The following GPR55 variants were observed in gnomAD, a reference collection of about 807,000 sequenced individuals.
The protein encoded by GPR55 is G-protein coupled receptor 55.
In GPR55, 6 loss-of-function variants were observed where a neutral mutation model predicts 7.9. That is an observed-to-expected ratio of 0.76 (90% CI 0.41 to 1.49). The LOEUF (loss-of-function observed/expected upper bound fraction) is 1.49. GPR55 is among the 40% of genes most tolerant of loss of function. The pLI, the probability that GPR55 is intolerant of heterozygous loss-of-function variation, is 0.01. For missense variants in GPR55, 376 were observed against 406.0 expected, an observed-to-expected ratio of 0.93 and a Z score of 0.63; for synonymous variants, 183 against 166.8, an observed-to-expected ratio of 1.10 and a Z score of -0.75.
At position 230,944,468 on chromosome 2, in the gene GPR55, C is replaced by T. The variant is rs1029748603; in HGVS notation, c.-135+16307G>A. Among the ~76,000 whole-genome samples the T allele has an allele frequency of 2.0e-5, 3 of 152,126 alleles. No homozygotes were observed. Among genetic ancestry groups the T allele is most frequent in the Admixed American group, 6.5e-5 (1 of 15,276 alleles). On this transcript the variant is annotated intron_variant, in intron 1 of 1. Transcript: ENST00000392039. This position sits in a 1 kb window ranked among gnomAD's most constrained non-coding sequence, Gnocchi z 4.2. ...AGGAGCCGTGGTTTCCAGTAACCAT[C>T]GCTGGTTAGTTCAGAGGGAAATGTC... is the stretch of plus-strand genomic sequence containing the variant.
intron 1 of GPR55, chr2:230,960,633 T>C (rs1262749932): frequency 6.6e-6 from 1 of 152,144 alleles, no homozygotes; most frequent in African/African-American, 2.4e-5. Flanking sequence ...CTGGACGTCA[T>C]TACTTCCATT....
At chr2:230,932,445 A>C (rs1353950451) in intron 1 of GPR55, among the ~76,000 whole-genome samples, 1 of 152,236 alleles carries the variant, frequency 6.6e-6, no homozygotes, top group African/African-American at 2.4e-5. Context: ...ATTCTGTTAC[A>C]TAATGCACAT....
intron 1 of GPR55, among the ~76,000 whole-genome samples, chr2:230,946,059 A>G (rs540005721): frequency 5.4e-4 from 82 of 152,370 alleles, no homozygotes; most frequent in African/African-American, 1.9e-3. Flanking sequence ...GTCATTTGTG[A>G]CAACATAAAT....
rs367982429 is a variant in GPR55, at chr2:230,916,326, C to T, written c.-134-5230G>A. The stretch of plus-strand genomic sequence containing the variant: ...CACTTGAGCCCAGGAGTTTGAGACC[C>T]GCCTAGGCAACATAGTGAAACCCCA... On this transcript the variant is annotated intron_variant, in intron 1 of 1. Coordinates refer to ENST00000650999, the MANE Select transcript of GPR55 (RefSeq NM_005683.4). 9.4e-5 allele frequency among the ~76,000 whole-genome samples: 14 copies of T among 149,648 alleles called. No homozygotes were observed. In the East Asian group the frequency reaches 1.9e-3, roughly 21 times the overall value.
intron 1 of GPR55, among the ~76,000 whole-genome samples, chr2:230,936,265 A>C (rs1691129864): frequency 6.6e-6 from 1 of 152,170 alleles, no homozygotes; most frequent in Non-Finnish European, 1.5e-5. Flanking sequence ...TCCCCACCCA[A>C]ATCTCATCTT....
At position 230,921,411 on chromosome 2, in the gene GPR55, C is replaced by A. The variant is rs145290912; in HGVS notation, c.-135+3757G>T. The stretch of plus-strand genomic sequence containing the variant: ...TCTTTCACAAAATTTACCCCATTCC[C>A]GAGCACAGGCAATGGCAATTTTACA... On this transcript the variant is annotated intron_variant, in intron 1 of 1. Coordinates refer to ENST00000650999, the MANE Select transcript of GPR55 (RefSeq NM_005683.4). Among the ~76,000 whole-genome samples, 296 of 152,234 alleles carry A rather than the reference C, an allele frequency of 1.9e-3. 1 individual carries two copies. The highest frequency in any genetic ancestry group is 2.9e-3 in the Non-Finnish European group (199 of 68,004).
chr2:230,940,935 G>A (rs147946092), intron 1 of GPR55, among the ~76,000 whole-genome samples: 3,701 of 152,166 alleles, frequency 0.024, 139 homozygotes, highest in African/African-American at 0.085. Context: ...TGGGCAATAC[G>A]GTGAAACCCC....
At chr2:230,917,079 C>T (rs1467335655) in intron 1 of GPR55, among the ~76,000 whole-genome samples, 3 of 152,120 alleles carry the variant, frequency 2.0e-5, no homozygotes, top group Non-Finnish European at 4.4e-5. Context: ...AATTGCAGAA[C>T]AAAATTGCTC....
At chr2:230,941,942 T>C (rs1004483854) in intron 1 of GPR55, among the ~76,000 whole-genome samples, 1 of 152,232 alleles carries the variant, frequency 6.6e-6, no homozygotes, top group East Asian at 1.9e-4. Flanking sequence ...CATTGAGAGA[T>C]GGCCCTTTGT....
intron 1 of GPR55, among the ~76,000 whole-genome samples, chr2:230,948,581 T>A (rs1255956757): frequency 1.3e-5 from 2 of 152,222 alleles, no homozygotes; most frequent in African/African-American, 4.8e-5. Context: ...TTGGCAGGCA[T>A]GGTGAAGAGT....
At chr2:230,917,614 C>T (rs1690746034) in intron 1 of GPR55, among the ~76,000 whole-genome samples, 2 of 152,136 alleles carry the variant, frequency 1.3e-5, no homozygotes, top group Admixed American at 1.3e-4. Context: ...TTGAGATCAA[C>T]CTCACAACAT....
At chr2:230,948,750 T>C (rs1326890207) in intron 1 of GPR55, among the ~76,000 whole-genome samples, 1 of 152,246 alleles carries the variant, frequency 6.6e-6, no homozygotes, top group Non-Finnish European at 1.5e-5. Context: ...ATTTAGGAAG[T>C]TTTTCCTTCC....
chr2:230,949,100 T>A (rs1691360832), intron 1 of GPR55, among the ~76,000 whole-genome samples: 1 of 152,098 alleles, frequency 6.6e-6, no homozygotes, highest in South Asian at 2.1e-4. Context: ...TAAAATATAG[T>A]CCCCAAAGAG....
At chr2:230,952,918 G>T (rs1691426706) in intron 1 of GPR55, among the ~76,000 whole-genome samples, 1 of 152,184 alleles carries the variant, frequency 6.6e-6, no homozygotes, top group Admixed American at 6.5e-5. Context: ...TCCGCCATTT[G>T]CCCTAACAGT....
At chr2:230,957,653 A>G in intron 1 of GPR55, 1 of 541,052 alleles carries the variant, frequency 1.8e-6, no homozygotes, top group South Asian at 1.4e-5. Flanking sequence ...GCTCCTAGGC[A>G]TTTCAGGTGT....
chr2:230,932,453 C>T (rs943826713), intron 1 of GPR55, among the ~76,000 whole-genome samples: 1 of 152,132 alleles, frequency 6.6e-6, no homozygotes, highest in Non-Finnish European at 1.5e-5. Flanking sequence ...ACATAATGCA[C>T]ATAACGTTAC....
At position 230,920,709 on chromosome 2, in the gene GPR55, T is replaced by G. The variant is rs1192987283; in HGVS notation, c.-135+4459A>C. Among the ~76,000 whole-genome samples the G allele has an allele frequency of 2.0e-5, 3 of 152,160 alleles. No homozygotes were observed. The East Asian group carries it at 5.8e-4, about 29-fold the overall frequency. On this transcript the variant is annotated intron_variant, in intron 1 of 1. Transcript: ENST00000650999. ...ATCAAGAAGTTAAGAACTTAAATAT[T>G]TTCCAAATTGAATATTTAGGTTAAA...
At chr2:230,943,066 AAAAGAGAGAGAGAGGAGAG>A (rs60087835) in intron 1 of GPR55, among the ~76,000 whole-genome samples, 7,097 of 149,294 alleles carry the variant, frequency 0.048, 214 homozygotes, top group East Asian at 0.12. Context: ...AGGGAGAGAG[AAAAGAGAGAGAGAGGAGAG>A]AAAGAGAGAG....
At chr2:230,915,661 T>G (rs1476860433) in intron 1 of GPR55, among the ~76,000 whole-genome samples, 1 of 152,212 alleles carries the variant, frequency 6.6e-6, no homozygotes, top group Non-Finnish European at 1.5e-5. Flanking sequence ...CCAGAGGCCC[T>G]GCTGACACCT....
Sources: allele counts gnomAD v4.1 joint callset (sites outside exome capture counted in the v4.1 genomes callset), GRCh38; gene constraint gnomAD v4.1.1; non-coding constraint Gnocchi (gnomAD v3.1); transcripts MANE v1.5; gene names NCBI Gene and HGNC (gene_info 2026-07-23, HGNC 2026-07-21).